PTPRD: variants seen among roughly 807,000 people sequenced by gnomAD.
The protein encoded by PTPRD is receptor-type tyrosine-protein phosphatase delta.
In PTPRD, 34 loss-of-function variants were observed where a neutral mutation model predicts 214.5. The observed-to-expected ratio is 0.16, with a 90% CI of 0.12 to 0.21. The LOEUF (loss-of-function observed/expected upper bound fraction) is 0.21. Among genes scored for constraint, PTPRD ranks in the 10% least tolerant of loss-of-function variants. PTPRD has a pLI of 1.00. For missense variants in PTPRD, 2,545 were observed against 2,398.7 expected, an observed-to-expected ratio of 1.06 and a Z score of -1.27; for synonymous variants, 1,128 against 845.7, an observed-to-expected ratio of 1.33 and a Z score of -5.79.
chr9:9,838,606 TA>T (rs2057477479), intron 5 of PTPRD, among the ~76,000 whole-genome samples: 1 of 152,190 alleles, frequency 6.6e-6, no homozygotes, highest in African/African-American at 2.4e-5. Context: ...ACCCACTTTT[TA>T]ATTGGGTTGC....
intron 11 of PTPRD, among the ~76,000 whole-genome samples, chr9:8,923,916 A>C (rs1033535881): frequency 1.3e-5 from 2 of 152,190 alleles, no homozygotes; most frequent in Non-Finnish European, 2.9e-5. Flanking sequence ...TGCAGTCTAT[A>C]TTTGAAGCTT....
At chr9:9,732,828 C>G (rs943665485) in intron 7 of PTPRD, among the ~76,000 whole-genome samples, 3 of 151,812 alleles carry the variant, frequency 2.0e-5, no homozygotes, top group African/African-American at 7.3e-5. Flanking sequence ...GTGGCTCTGT[C>G]GTCTCAGCGA....
At chr9:10,468,691 T>C (rs1446810783) in intron 2 of PTPRD, among the ~76,000 whole-genome samples, 1 of 152,086 alleles carries the variant, frequency 6.6e-6, no homozygotes, top group Non-Finnish European at 1.5e-5. Flanking sequence ...GAAAGGCTTA[T>C]TAAAACAAAA....
At chr9:8,713,253 A>C (rs2098382784) in intron 12 of PTPRD, 1 of 636,396 alleles carries the variant, frequency 1.6e-6, no homozygotes, top group Admixed American at 2.7e-5. Context: ...CCAATTGTCC[A>C]CTTAAAATCT....
At chr9:9,671,266 CT>C (rs765485664) in intron 7 of PTPRD, among the ~76,000 whole-genome samples, 9 of 152,116 alleles carry the variant, frequency 5.9e-5, no homozygotes, top group Non-Finnish European at 1.2e-4. Flanking sequence ...CCTGTAACCC[CT>C]TTGTTTTGGC....
intron 10 of PTPRD, among the ~76,000 whole-genome samples, chr9:9,073,839 A>T (rs1015921857): frequency 2.7e-5 from 2 of 74,342 alleles, no homozygotes; most frequent in Non-Finnish European, 7.1e-5. Flanking sequence ...ATTCTCCAAA[A>T]TCCATTAAAA....
At chr9:10,563,214 A>G (rs1026921089) in intron 2 of PTPRD, among the ~76,000 whole-genome samples, 1 of 152,204 alleles carries the variant, frequency 6.6e-6, no homozygotes, top group African/African-American at 2.4e-5. Context: ...ACTCAAATTG[A>G]GCCAATAAGA....
chr9:9,362,475 T>C (rs918001619), intron 9 of PTPRD, among the ~76,000 whole-genome samples: 1 of 151,184 alleles, frequency 6.6e-6, no homozygotes, highest in Admixed American at 6.6e-5. Context: ...AAGGATGAAA[T>C]GTATGAGAGC....
At position 8,611,733 on chromosome 9, in the gene PTPRD, A is replaced by AAAAAG. The variant is rs1363557439; in HGVS notation, c.352+21579_352+21583dup. ...AAAGAAAAAAAGAAAAGACAAAAGA[A>AAAAAG]AAAAGAAAAGAAAAGAAAAGAGAAA... On this transcript the variant is annotated intron_variant, in intron 14 of 45. Transcript: ENST00000381196. Among the ~76,000 whole-genome samples the AAAAAG allele has an allele frequency of 3.6e-3, 544 of 149,064 alleles. 3 individuals carry two copies. The highest frequency in any genetic ancestry group is 0.028 in the Middle Eastern group (8 of 290).
intron 12 of PTPRD, among the ~76,000 whole-genome samples, chr9:8,730,238 T>A (rs977635893): frequency 5.3e-5 from 8 of 151,892 alleles, no homozygotes; most frequent in African/African-American, 1.7e-4. Flanking sequence ...CCTAGGCGAC[T>A]GAGCGAGACT....
intron 11 of PTPRD, among the ~76,000 whole-genome samples, chr9:8,783,757 G>T (rs1434966925): frequency 6.6e-6 from 1 of 152,120 alleles, no homozygotes; most frequent in African/African-American, 2.4e-5. Flanking sequence ...GGATTCTACT[G>T]TCATAGGATT....
chr9:8,630,733 T>C lies in PTPRD; in HGVS notation c.352+2584A>G, dbSNP rs187101327. Among the ~76,000 whole-genome samples the C allele has an allele frequency of 1.2e-3, 186 of 152,010 alleles. 2 individuals are homozygous for C. Among genetic ancestry groups the C allele is most frequent in the African/African-American group, 4.3e-3 (180 of 41,528 alleles). On this transcript the variant is annotated intron_variant, in intron 14 of 45. Coordinates refer to ENST00000381196, the MANE Select transcript of PTPRD (RefSeq NM_002839.4). ...AAACATTTTTGATGCATTTGTTTTA[T>C]ATGGGGACTAGCTGTATAAAAGCAG...
At chr9:9,977,114 T>C (rs1344662813) in intron 4 of PTPRD, among the ~76,000 whole-genome samples, 1 of 152,160 alleles carries the variant, frequency 6.6e-6, no homozygotes, top group Non-Finnish European at 1.5e-5. Context: ...AAGAGCATTA[T>C]GTTAAGTTTT....
intron 4 of PTPRD, among the ~76,000 whole-genome samples, chr9:10,020,031 CTT>C (rs1251867384): frequency 2.0e-5 from 3 of 152,118 alleles, no homozygotes; most frequent in Admixed American, 1.3e-4. Flanking sequence ...TAATTTTACT[CTT>C]GTTTTATATA....
intron 8 of PTPRD, among the ~76,000 whole-genome samples, chr9:9,570,390 C>T (rs1445247073): frequency 1.3e-5 from 2 of 151,500 alleles, no homozygotes; most frequent in Non-Finnish European, 3.0e-5. Flanking sequence ...AGCCCTGTCA[C>T]CACTGTGAAA....
At chr9:10,588,427 T>TACAC (rs3076471) in intron 2 of PTPRD, among the ~76,000 whole-genome samples, 2,735 of 146,618 alleles carry the variant, frequency 0.019, 63 homozygotes, top group African/African-American at 0.055. Flanking sequence ...TGGCTTATTG[T>TACAC]ACACACACAC....
chr9:9,109,443 A>G lies in PTPRD; in HGVS notation c.-143+73861T>C, dbSNP rs1009549885. Among the ~76,000 whole-genome samples the G allele has an allele frequency of 2.6e-5, 4 of 152,164 alleles. No homozygotes were observed. In the South Asian group the frequency reaches 6.2e-4, roughly 24 times the overall value. On this transcript the variant is annotated intron_variant, in intron 10 of 45. Transcript: ENST00000381196. Reference sequence around the variant, plus strand: ...CTTGAATAAGTTCATTGGCATCTGTATTGCTCTAAAATGAAGATGCAAAGA... The same window carrying G: ...CTTGAATAAGTTCATTGGCATCTGTGTTGCTCTAAAATGAAGATGCAAAGA...
chr9:9,734,428 T>A (rs2098256745), intron 7 of PTPRD, 105 bp downstream of exon 7: 1 of 149,160 alleles, frequency 6.7e-6, no homozygotes. Flanking sequence ...GATTTTTTTT[T>A]AAGGATTAAG....
intron 9 of PTPRD, among the ~76,000 whole-genome samples, chr9:9,206,579 G>A (rs1293428872): frequency 6.6e-6 from 1 of 152,166 alleles, no homozygotes; most frequent in East Asian, 1.9e-4. Context: ...CAATGTGGGT[G>A]GGCACCATCT....
Sources: allele counts gnomAD v4.1 joint callset (sites outside exome capture counted in the v4.1 genomes callset), GRCh38; gene constraint gnomAD v4.1.1; transcripts MANE v1.5; gene names NCBI Gene and HGNC (gene_info 2026-07-23, HGNC 2026-07-21).